The following PCDH9 variants were observed in gnomAD, a reference collection of about 807,000 sequenced individuals.
The protein encoded by PCDH9 is protocadherin-9.
A neutral mutation model predicts 70.6 loss-of-function variants in PCDH9; 24 were observed. That is an observed-to-expected ratio of 0.34 (90% confidence interval 0.25 to 0.48). The LOEUF is 0.48. Among genes scored for constraint, PCDH9 ranks in the 20% least tolerant of loss-of-function variants. The pLI, the probability that PCDH9 is intolerant of heterozygous loss-of-function variation, is 0.99. For missense variants in PCDH9, 1,281 were observed against 1,503.6 expected (o/e 0.85, Z 2.45); for synonymous variants, 562 against 558.5 (o/e 1.01, Z -0.09).
chr13:66,304,758 T>A lies in PCDH9; in HGVS notation c.3611A>T (p.His1204Leu), dbSNP rs1472465521. The A allele has an allele frequency of 1.2e-6, 2 of 1,613,374 alleles. No individual in the cohort carries two copies. The highest frequency in any genetic ancestry group is 1.3e-5 in the African/African-American group (1 of 74,874). ...TGTCATGTGGCTGCCATTGTTGAAA[T>A]GGCCTTCATTGGAGCCATACTGCTT... ...DRKQYGSNEG[H>L]FNNGSHMTDI... The change falls in exon 5 of 5, where the codon CAT (histidine) becomes CTT (leucine). Residue 1204 changes from histidine (H) to leucine (L), a missense_variant. This residue lies in a region of PCDH9 where 264 missense variants were observed against 278.8 expected (regional missense o/e 0.95). Transcript: ENST00000377865.
chr13:66,856,519 A>C (rs1289111220), intron 3 of PCDH9, among the ~76,000 whole-genome samples: 2 of 152,072 alleles, frequency 1.3e-5, no homozygotes, highest in Admixed American at 1.3e-4. Context: ...AATAACAGGA[A>C]GTTAATTTTC....
chr13:66,373,600 A>G (rs780734689), intron 4 of PCDH9, among the ~76,000 whole-genome samples: 3 of 152,078 alleles, frequency 2.0e-5, no homozygotes, highest in Non-Finnish European at 2.9e-5. Flanking sequence ...AATCAGAATT[A>G]TTTCTTCAAT....
chr13:66,501,892 T>C (rs1959178816), intron 4 of PCDH9, among the ~76,000 whole-genome samples: 1 of 152,128 alleles, frequency 6.6e-6, no homozygotes, highest in Non-Finnish European at 1.5e-5. Context: ...CAAAACTCTG[T>C]AATCTAACAG....
At chr13:66,803,418 T>C (rs2080357624) in intron 3 of PCDH9, among the ~76,000 whole-genome samples, 1 of 152,110 alleles carries the variant, frequency 6.6e-6, no homozygotes, top group African/African-American at 2.4e-5. Context: ...TCAAATACAA[T>C]TATGTACTAT....
intron 4 of PCDH9, among the ~76,000 whole-genome samples, chr13:66,480,305 T>C (rs190305293): frequency 4.6e-5 from 7 of 152,242 alleles, no homozygotes; most frequent in African/African-American, 1.7e-4. Context: ...AGATGAGAAA[T>C]TGATTTTTAT....
At chr13:66,430,510 A>G (rs1957752281) in intron 4 of PCDH9, among the ~76,000 whole-genome samples, 1 of 152,034 alleles carries the variant, frequency 6.6e-6, no homozygotes, top group African/African-American at 2.4e-5. Context: ...GTGAAGCAAT[A>G]ACATAGTATA....
intron 2 of PCDH9, among the ~76,000 whole-genome samples, chr13:66,939,712 C>T (rs1594288214): frequency 6.6e-6 from 1 of 152,022 alleles, no homozygotes; most frequent in Admixed American, 6.6e-5. Context: ...GTCACCATGC[C>T]TGGCCTTAAA....
At chr13:66,623,244 T>C (rs1336069510) in intron 4 of PCDH9, among the ~76,000 whole-genome samples, 2 of 152,228 alleles carry the variant, frequency 1.3e-5, no homozygotes, top group Non-Finnish European at 2.9e-5. Context: ...ACATTTAATT[T>C]CTCAAGCTTC....
chr13:66,707,809 A>C (rs1049637667), intron 3 of PCDH9, among the ~76,000 whole-genome samples: 1 of 152,170 alleles, frequency 6.6e-6, no homozygotes, highest in Non-Finnish European at 1.5e-5. Context: ...TGAATTACCA[A>C]CCAATGTAAT....
intron 3 of PCDH9, among the ~76,000 whole-genome samples, chr13:66,851,575 TCA>T (rs59674873): frequency 0.38 from 56,382 of 146,604 alleles, 11,703 homozygotes; most frequent in Middle Eastern, 0.51. Flanking sequence ...CGCATCACCC[TCA>T]CACACACACA....
At chr13:66,468,993 T>G (rs1194459535) in intron 4 of PCDH9, among the ~76,000 whole-genome samples, 7 of 152,146 alleles carry the variant, frequency 4.6e-5, no homozygotes, top group African/African-American at 1.7e-4. Context: ...GGGCATTTTC[T>G]AAAGGACTAA....
In PCDH9 at chr13:67,062,302, C is replaced by T. The variant is rs78592395; in HGVS notation, c.3037-158697G>A. On this transcript the variant is annotated intron_variant, in intron 2 of 4. Transcript: ENST00000377865. ...GTGACCTGTGTCCCAAATCCCTCAA[C>T]ATATTACAGGAAAAATTCCAGTGTT... Among the ~76,000 whole-genome samples the T allele has an allele frequency of 4.8e-3, 725 of 152,282 alleles. 4 individuals carry two copies. The highest frequency in any genetic ancestry group is 0.012 in the African/African-American group (506 of 41,556).
chr13:67,089,046 T>G (rs1164774089), intron 2 of PCDH9, among the ~76,000 whole-genome samples: 1 of 151,966 alleles, frequency 6.6e-6, no homozygotes, highest in Non-Finnish European at 1.5e-5. Flanking sequence ...CATCAAAATT[T>G]TTTCACCCAG....
chr13:66,616,484 C>T lies in PCDH9; in HGVS notation c.3340+14726G>A, dbSNP rs375900718. On this transcript the variant is annotated intron_variant, in intron 4 of 4. Coordinates refer to ENST00000377865, the MANE Select transcript of PCDH9 (RefSeq NM_203487.3). ...ACATTCGTCATTAAATTCTAAAATT[C>T]TTTTTTTTTTTTTTTTTAATTTTTG... 2.0e-3 allele frequency among the ~76,000 whole-genome samples: 229 copies of T among 116,656 alleles called. 1 individual carries two copies. The highest frequency in any genetic ancestry group is 2.9e-3 in the Non-Finnish European group (170 of 59,284). 76.5% of individuals were successfully genotyped at this position (116,656 alleles called of 152,430 possible).
At chr13:66,813,321 A>G (rs1231431485) in intron 3 of PCDH9, among the ~76,000 whole-genome samples, 3 of 152,192 alleles carry the variant, frequency 2.0e-5, no homozygotes, top group Non-Finnish European at 4.4e-5. Context: ...AGAAAAGTGG[A>G]TGTATCCTAC....
chr13:67,169,092 G>T (rs1174357754), intron 2 of PCDH9, among the ~76,000 whole-genome samples: 1 of 152,226 alleles, frequency 6.6e-6, no homozygotes, highest in South Asian at 2.1e-4. Flanking sequence ...TCCTCACATT[G>T]TGACACTGGA....
At chr13:67,224,796 C>T (rs700329) in intron 2 of PCDH9, 514,679 of 875,562 alleles carry the variant, frequency 0.59, 154,068 homozygotes, top group Middle Eastern at 0.67. Flanking sequence ...CTATTAAGTA[C>T]CGAATTTAAT....
At chr13:67,025,484 A>G (rs1239166872) in intron 2 of PCDH9, among the ~76,000 whole-genome samples, 1 of 152,096 alleles carries the variant, frequency 6.6e-6, no homozygotes, top group African/African-American at 2.4e-5. Context: ...TCAAAAATAT[A>G]TAATTATGAC....
chr13:67,202,938 A>G (rs2089252220), intron 2 of PCDH9: 1 of 152,066 alleles, frequency 6.6e-6, no homozygotes, highest in Non-Finnish European at 1.5e-5. Context: ...TTCAGGTAAC[A>G]CGTGATTGCC....
Sources: gnomAD v4.1 joint callset for allele counts (sites outside exome capture counted in the v4.1 genomes callset) on GRCh38, gnomAD v4.1.1 for gene constraint, gnomAD v4.1.1 regional missense constraint, MANE v1.5 for transcripts, NCBI Gene and HGNC (gene_info 2026-07-23, HGNC 2026-07-21) for gene names.